Variants in THSD7B observed in about 807,000 individuals in gnomAD.
THSD7B encodes thrombospondin type-1 domain-containing protein 7B.
In THSD7B, 138 loss-of-function variants were observed where a neutral mutation model predicts 213.6. That is an observed-to-expected ratio of 0.65 (90% CI 0.56 to 0.74). The LOEUF (loss-of-function observed/expected upper bound fraction) is 0.74, where lower values mean the gene tolerates loss of function less well. THSD7B is among the 30% of genes least tolerant of loss of function. THSD7B has a pLI of 0.00. For synonymous variants in THSD7B, 742 were observed against 687.0 expected (o/e 1.08, Z -1.25); for missense variants, 1,931 against 1,991.5 (o/e 0.97, Z 0.58).
chr2:137,669,437 A>ATT (rs142527511), intron 27 of THSD7B, among the ~76,000 whole-genome samples: 52 of 150,664 alleles, frequency 3.5e-4, no homozygotes, highest in Admixed American at 7.9e-4. Context: ...CCTAGAATCA[A>ATT]TTTTTTTTTT....
chr2:136,826,326 T>C (rs1558817768), intron 1 of THSD7B, among the ~76,000 whole-genome samples: 1 of 152,200 alleles, frequency 6.6e-6, no homozygotes. Flanking sequence ...TTGCACAAAA[T>C]AAACTGTAAG....
chr2:137,140,842 A>C (rs1380447414), intron 5 of THSD7B, among the ~76,000 whole-genome samples: 6 of 152,212 alleles, frequency 3.9e-5, no homozygotes, highest in African/African-American at 1.4e-4. Context: ...AGTGTGATAC[A>C]TGCAATATAG....
intron 15 of THSD7B, among the ~76,000 whole-genome samples, chr2:137,480,394 G>A (rs764019101): frequency 1.3e-5 from 2 of 152,070 alleles, no homozygotes; most frequent in East Asian, 1.9e-4. Context: ...ATTTGTGGTC[G>A]AGTTATAAAG....
At chr2:136,976,310 A>G (rs1385666073) in intron 2 of THSD7B, among the ~76,000 whole-genome samples, 2 of 152,222 alleles carry the variant, frequency 1.3e-5, no homozygotes, top group East Asian at 3.8e-4. Context: ...TGGGTTTGTC[A>G]TAAATGAATC....
intron 2 of THSD7B, among the ~76,000 whole-genome samples, chr2:136,900,934 C>T (rs1199411071): frequency 6.6e-6 from 1 of 152,040 alleles, no homozygotes; most frequent in African/African-American, 2.4e-5. Context: ...TATCTACCCC[C>T]CATGCAGAAA....
intron 13 of THSD7B, among the ~76,000 whole-genome samples, chr2:137,408,681 A>G (rs1294410250): frequency 6.6e-6 from 1 of 152,188 alleles, no homozygotes; most frequent in Non-Finnish European, 1.5e-5. Context: ...AGATGTTGGT[A>G]AGGCTGCATT....
At chr2:136,912,287 A>C (rs1199516556) in intron 2 of THSD7B, among the ~76,000 whole-genome samples, 1 of 133,392 alleles carries the variant, frequency 7.5e-6, no homozygotes, top group Non-Finnish European at 1.5e-5. Context: ...GTGCCACTGC[A>C]CTCCAGCCTG....
rs2104879363 is a variant in THSD7B at position 137,321,339 on chromosome 2, T to A, written c.2500+45313T>A. The stretch of plus-strand genomic sequence containing the variant: ...ATTCATTTATTAAACTGGAAGAATC[T>A]AAAATAAGTATCTTTTGAATTAATT... On this transcript the variant is annotated intron_variant, in intron 12 of 27. Transcript: ENST00000409968. Among the ~76,000 whole-genome samples the A allele has an allele frequency of 2.0e-5, 3 of 152,328 alleles. No homozygotes were observed. The Middle Eastern group carries it at 0.01, about 518-fold the overall frequency.
At chr2:137,658,430 A>G (rs1178099584) in intron 24 of THSD7B, among the ~76,000 whole-genome samples, 1 of 152,188 alleles carries the variant, frequency 6.6e-6, no homozygotes, top group Non-Finnish European at 1.5e-5. Flanking sequence ...ATCATCTGAC[A>G]AATATTATTA....
chr2:137,635,105 C>T (rs1483847438), intron 20 of THSD7B, among the ~76,000 whole-genome samples: 4 of 152,090 alleles, frequency 2.6e-5, no homozygotes, highest in Non-Finnish European at 5.9e-5. Flanking sequence ...GGAAAAGGCT[C>T]AGAGAGGAGA....
intron 7 of THSD7B, among the ~76,000 whole-genome samples, chr2:137,210,228 G>A (rs1252968241): frequency 6.6e-6 from 1 of 152,068 alleles, no homozygotes; most frequent in African/African-American, 2.4e-5. Flanking sequence ...AATGATGCCT[G>A]TCATCTAGGT....
chr2:137,012,117 A>AAACAGATAAATAAC (rs1686242070), intron 2 of THSD7B, among the ~76,000 whole-genome samples: 1 of 152,252 alleles, frequency 6.6e-6, no homozygotes, highest in Non-Finnish European at 1.5e-5. Flanking sequence ...TAATCTTCAC[A>AAACAGATAAATAAC]ACAATCAATC....
At chr2:137,244,897 G>A (rs1681991397) in intron 10 of THSD7B, among the ~76,000 whole-genome samples, 1 of 152,138 alleles carries the variant, frequency 6.6e-6, no homozygotes, top group Non-Finnish European at 1.5e-5. Flanking sequence ...GTATCTATAA[G>A]CCTATGGTTC....
chr2:137,351,968 T>G (rs1479872548), intron 12 of THSD7B, among the ~76,000 whole-genome samples: 1 of 151,990 alleles, frequency 6.6e-6, no homozygotes, highest in African/African-American at 2.4e-5. Context: ...TGCAATTTTT[T>G]TTAGCTTATC....
At chr2:137,033,156 G>A (rs1479514426) in intron 2 of THSD7B, among the ~76,000 whole-genome samples, 2 of 152,140 alleles carry the variant, frequency 1.3e-5, no homozygotes, top group Non-Finnish European at 2.9e-5. Flanking sequence ...AAATATTATT[G>A]TATATGTGTC....
intron 15 of THSD7B, among the ~76,000 whole-genome samples, chr2:137,504,836 C>T (rs957893872): frequency 5.9e-5 from 9 of 152,220 alleles, no homozygotes; most frequent in African/African-American, 1.7e-4. Flanking sequence ...TCCAGGCTGT[C>T]CAATAGGCAG....
chr2:137,403,664 G>A (rs1183478362), intron 12 of THSD7B, among the ~76,000 whole-genome samples: 1 of 152,178 alleles, frequency 6.6e-6, no homozygotes, highest in Non-Finnish European at 1.5e-5. Context: ...ATATTCCCTG[G>A]TTTCTCACCC....
intron 18 of THSD7B, among the ~76,000 whole-genome samples, chr2:137,617,987 C>T (rs1682439573): frequency 2.0e-5 from 3 of 152,156 alleles, no homozygotes; most frequent in South Asian, 2.1e-4. Flanking sequence ...ATGAATTTTG[C>T]AGGGGTACAC....
At chr2:137,498,506 T>C (rs985740125) in intron 15 of THSD7B, among the ~76,000 whole-genome samples, 10 of 152,166 alleles carry the variant, frequency 6.6e-5, no homozygotes, top group Admixed American at 4.6e-4. Flanking sequence ...TCAAATGATC[T>C]AGAACAGCTT....
Sources: allele counts gnomAD v4.1 joint callset (sites outside exome capture counted in the v4.1 genomes callset), GRCh38; gene constraint gnomAD v4.1.1; transcripts MANE v1.5; gene names NCBI Gene and HGNC (gene_info 2026-07-23, HGNC 2026-07-21).